Variants in ZNF771 observed in about 807,000 individuals in gnomAD.
ZNF771 encodes the protein zinc finger protein 771, also known as mesenchymal stem cell protein DSC43.
ZNF771 carries 10 observed loss-of-function variants against 27.6 expected under a neutral mutation model. The observed-to-expected ratio is 0.36, with a 90% CI of 0.22 to 0.61. ZNF771 has a LOEUF of 0.61. ZNF771 is among the 20% of genes least tolerant of loss of function. ZNF771 has a pLI of 0.70. For synonymous variants in ZNF771, 261 were observed against 225.2 expected (o/e 1.16, Z -1.43); for missense variants, 438 against 503.7 (o/e 0.87, Z 1.25).
Position 30,415,872 on chromosome 16 carries a change from G to A in ZNF771, c.142-1683G>A, listed in dbSNP as rs141461517. 1.3e-4 allele frequency among the ~76,000 whole-genome samples: 20 copies of A among 152,248 alleles called. 1 individual carries two copies. The highest frequency in any genetic ancestry group is 5.2e-4 in the Admixed American group (8 of 15,266). On this transcript the variant is annotated intron_variant, in intron 2 of 2. Transcript: ENST00000319296. ...CATCAGTTTTGCTGGGGTTTTGAGC[G>A]TTCTCTTTTCTAGGAAGGGAGCAAT...
chr16:30,407,695 G>T lies in ZNF771; in HGVS notation c.-10+31G>T, dbSNP rs570616546. 5.9e-4 allele frequency: 100 copies of T among 170,464 alleles called. 1 individual carries two copies. The South Asian group carries it at 0.014, about 23-fold the overall frequency. The allele number at this position is 170,464 out of a possible 1,614,324, so 10.6% of individuals were successfully genotyped here. ...TGCGCACCCCCTCCCCGGGGTTTCCGCCCCGATCCCGCCTCCAGCCCGTGC... is the reference window on the plus strand; with the variant it reads ...TGCGCACCCCCTCCCCGGGGTTTCCTCCCCGATCCCGCCTCCAGCCCGTGC... On this transcript the variant is annotated intron_variant, in intron 1 of 2. Coordinates refer to ENST00000319296, the MANE Select transcript of ZNF771 (RefSeq NM_001142305.2).
chr16:30,418,215 T>G lies in ZNF771; in HGVS notation c.802T>G (p.Phe268Val). 6.6e-7 allele frequency: 1 copy of G among 1,508,136 alleles called. No individual in the cohort carries two copies. Among genetic ancestry groups the G allele is most frequent in the Non-Finnish European group, 8.8e-7 (1 of 1,135,134 alleles). 93.4% of individuals were successfully genotyped at this position (1,508,136 alleles called of 1,614,324 possible). A position where few individuals can be genotyped will look rare whatever the true frequency, so the allele number is the denominator to read the frequency against. Residue 268 changes from phenylalanine (F) to valine (V), a missense_variant, in exon 3 of 3, where the codon TTC (phenylalanine) becomes GTC (valine). Phe to Val is a conservative substitution (Grantham distance 50). Transcript: ENST00000319296. Reference protein sequence around the residue: ...PYPCAECGRRFRLSSHFIRHR... With the variant: ...PYPCAECGRRVRLSSHFIRHR... ...CCCCTGCGCCGAGTGCGGCCGCCGC[T>G]TCCGCCTAAGCTCGCACTTCATTCG...
At chr16:30,412,247 G>A (rs1170301153) in intron 2 of ZNF771, among the ~76,000 whole-genome samples, 1 of 152,164 alleles carries the variant, frequency 6.6e-6, no homozygotes, top group Admixed American at 6.5e-5. Flanking sequence ...TCACCCAGGG[G>A]TCTTGTTAAA....
In ZNF771 at chr16:30,418,499, CAG is replaced by C; in HGVS notation, c.*133_*134del. The C allele has an allele frequency of 1.1e-6, 1 of 901,656 alleles. No homozygotes were observed. The highest frequency in any genetic ancestry group is 2.2e-5 in the South Asian group (1 of 45,562). The allele number at this position is 901,656 out of a possible 1,614,324, so 55.9% of individuals were successfully genotyped here. A position where few individuals can be genotyped will look rare whatever the true frequency, so the allele number is the denominator to read the frequency against. Reference sequence around the variant, plus strand: ...GCCCGGCTGCCCTGGAACTGGGAGACAGGGAGAATCCCCTGCCGGGGTCCCTG... The same window carrying C: ...GCCCGGCTGCCCTGGAACTGGGAGACGGAGAATCCCCTGCCGGGGTCCCTG... On this transcript the variant is annotated 3_prime_UTR_variant, in exon 3 of 3. Coordinates refer to ENST00000319296, the MANE Select transcript of ZNF771 (RefSeq NM_001142305.2).
rs1424068378 is a variant in ZNF771 at position 30,417,756 on chromosome 16, G to A, written c.343G>A (p.Gly115Ser). Residue 115 changes from glycine to serine, a missense_variant, in exon 3 of 3, where the codon GGC (glycine) becomes AGC (serine). Physicochemically the swap from Gly to Ser is moderately conservative, Grantham distance 56 (BLOSUM62 0). Coordinates refer to ENST00000319296, the MANE Select transcript of ZNF771 (RefSeq NM_001142305.2). ...ALTKHGRTHTGERPYECPECD... is the reference protein window; with the variant it reads ...ALTKHGRTHTSERPYECPECD... ...GACCAAACACGGCCGCACGCACACG[G>A]GCGAGCGGCCCTACGAGTGCCCCGA... 2 of 1,429,092 alleles carry A rather than the reference G, an allele frequency of 1.4e-6. No individual in the cohort carries two copies. Among genetic ancestry groups the A allele is most frequent in the African/African-American group, 1.5e-5 (1 of 66,754 alleles). The allele number at this position is 1,429,092 out of a possible 1,614,324, so 88.5% of individuals were successfully genotyped here.
chr16:30,417,353 A>G (rs2050139691), intron 2 of ZNF771, among the ~76,000 whole-genome samples: 2 of 152,258 alleles, frequency 1.3e-5, no homozygotes, highest in South Asian at 4.1e-4. Flanking sequence ...AAAAATAGCT[A>G]GAACGCCACT....
chr16:30,411,886 A>G (rs1401805530), intron 2 of ZNF771, among the ~76,000 whole-genome samples: 1 of 152,166 alleles, frequency 6.6e-6, no homozygotes, highest in East Asian at 1.9e-4. Flanking sequence ...AAGGGCCTTA[A>G]TTACGCTGCA....
At chr16:30,412,793 A>C (rs1306473973) in intron 2 of ZNF771, among the ~76,000 whole-genome samples, 1 of 151,884 alleles carries the variant, frequency 6.6e-6, no homozygotes, top group African/African-American at 2.4e-5. Flanking sequence ...CTTTTCTCAA[A>C]AAAAAAAAAG....
Position 30,418,597 on chromosome 16 carries a change from C to G in ZNF771, c.*230C>G. ...AGTGAATAAAGTATTATATCCTCACCCCACCCGTGCCTGTGAGTGAGGTGG... is the reference window on the plus strand; with the variant it reads ...AGTGAATAAAGTATTATATCCTCACGCCACCCGTGCCTGTGAGTGAGGTGG... On this transcript the variant is annotated 3_prime_UTR_variant, in exon 3 of 3. Coordinates refer to ENST00000319296, the MANE Select transcript of ZNF771 (RefSeq NM_001142305.2). 1 of 422,914 alleles carries G rather than the reference C, an allele frequency of 2.4e-6. No homozygotes were observed. The highest frequency in any genetic ancestry group is 2.0e-5 in the African/African-American group (1 of 48,902). 26.2% of individuals were successfully genotyped at this position (422,914 alleles called of 1,614,324 possible).
Position 30,417,603 on chromosome 16 carries a change from G to A in ZNF771, c.190G>A (p.Ala64Thr). 7.7e-7 allele frequency: 1 copy of A among 1,301,674 alleles called. No individual in the cohort carries two copies. 80.6% of individuals were successfully genotyped at this position (1,301,674 alleles called of 1,614,324 possible). ...GTCCGCCGACCCGGCGCGTCCCCAC[G>A]CGTGCCCCGACTGCGGCCGCGCCTT... ...APSADPARPH[A>T]CPDCGRAFAR... is the part of the protein sequence containing the mutation. The change falls in exon 3 of 3, where the codon GCG becomes ACG. Residue 64 changes from alanine to threonine, a missense_variant. Coordinates refer to ENST00000319296, the MANE Select transcript of ZNF771 (RefSeq NM_001142305.2).
rs1197732449 is a variant in ZNF771 at position 30,418,042 on chromosome 16, C to G, written c.629C>G (p.Thr210Arg). ...CCCTACGCTTGCGCCGACTGCGGCA[C>G]GCGCTTCGCTCAGAGCTCGGCGCTG... The part of the protein sequence containing the change: ...ERPYACADCG[T>R]RFAQSSALAK... Residue 210 changes from threonine to arginine, a missense_variant, in exon 3 of 3, where the codon ACG (threonine) becomes AGG (arginine). Physicochemically the swap from Thr to Arg is moderately conservative, Grantham distance 71. Around this residue, in one of 3 missense-constraint regions of ZNF771, gnomAD observed 305 missense variants for 308.0 expected, o/e 0.99. Transcript: ENST00000319296. The G allele has an allele frequency of 1.4e-6, 2 of 1,441,202 alleles. No homozygotes were observed. The highest frequency in any genetic ancestry group is 2.9e-5 in the Admixed American group (1 of 34,014). 89.3% of individuals were successfully genotyped at this position (1,441,202 alleles called of 1,614,324 possible).
chr16:30,417,906 C>G lies in ZNF771; in HGVS notation c.493C>G (p.His165Asp). 1 of 1,520,390 alleles carries G rather than the reference C, an allele frequency of 6.6e-7. No individual in the cohort carries two copies. Among genetic ancestry groups the G allele is most frequent in the South Asian group, 1.2e-5 (1 of 81,982 alleles). The allele number at this position is 1,520,390 out of a possible 1,614,324, so 94.2% of individuals were successfully genotyped here. A position where few individuals can be genotyped will look rare whatever the true frequency, so the allele number is the denominator to read the frequency against. The change falls in exon 3 of 3, where the codon CAC becomes GAC. Residue 165 changes from histidine (H) to aspartate (D), a missense_variant. This residue lies in a region of ZNF771 where 305 missense variants were observed against 308.0 expected (regional missense o/e 0.99). Transcript: ENST00000319296. ...CGCGCAGAGCTCCAACTACGCACAG[C>G]ACCTGCGCGTGCACACGGGCGAGAA... Reference protein sequence around the residue: ...RFAQSSNYAQHLRVHTGEKPY... With the variant: ...RFAQSSNYAQDLRVHTGEKPY...
In ZNF771 at chr16:30,418,261, G is replaced by T. The variant is rs1205951887; in HGVS notation, c.848G>T (p.Arg283Leu). The change falls in exon 3 of 3, where the codon CGG (arginine) becomes CTG (leucine). Residue 283 changes from arginine to leucine, a missense_variant. Transcript: ENST00000319296. ...HFIRHRRAHM[R>L]RRLYICAGCG... ...ATTCGCCACCGACGCGCGCACATGCGGCGCCGCCTGTATATTTGCGCCGGC... is the reference window on the plus strand; with the variant it reads ...ATTCGCCACCGACGCGCGCACATGCTGCGCCGCCTGTATATTTGCGCCGGC... The T allele has an allele frequency of 1.3e-6, 2 of 1,511,754 alleles. No homozygotes were observed. The highest frequency in any genetic ancestry group is 1.8e-6 in the Non-Finnish European group (2 of 1,136,924). 93.6% of individuals were successfully genotyped at this position (1,511,754 alleles called of 1,614,324 possible). A position where few individuals can be genotyped will look rare whatever the true frequency, so the allele number is the denominator to read the frequency against.
intron 2 of ZNF771, among the ~76,000 whole-genome samples, chr16:30,409,376 G>A (rs1054341230): frequency 1.3e-5 from 2 of 152,140 alleles, no homozygotes; most frequent in Non-Finnish European, 2.9e-5. Flanking sequence ...GGGGGTGGTT[G>A]GCAGGCCACA....
rs2050150868 is a variant in ZNF771, at chr16:30,418,463, G to A, written c.*96G>A. On this transcript the variant is annotated 3_prime_UTR_variant, in exon 3 of 3. Coordinates refer to ENST00000319296, the MANE Select transcript of ZNF771 (RefSeq NM_001142305.2). ...CCGGCCTCCGGGTCTGGGAAATTGA[G>A]GGGACGGCAGGCCCGGCTGCCCTGG... The A allele has an allele frequency of 1.6e-6, 2 of 1,244,420 alleles. No individual in the cohort carries two copies. Among genetic ancestry groups the A allele is most frequent in the African/African-American group, 3.2e-5 (2 of 62,864 alleles). The allele number at this position is 1,244,420 out of a possible 1,614,324, so 77.1% of individuals were successfully genotyped here.
chr16:30,418,603 C>T lies in ZNF771; in HGVS notation c.*236C>T. ...TAAAGTATTATATCCTCACCCCACC[C>T]GTGCCTGTGAGTGAGGTGGGTGGGA... On this transcript the variant is annotated 3_prime_UTR_variant, in exon 3 of 3. Coordinates refer to ENST00000319296, the MANE Select transcript of ZNF771 (RefSeq NM_001142305.2). The T allele has an allele frequency of 2.4e-6, 1 of 416,968 alleles. No homozygotes were observed. The highest frequency in any genetic ancestry group is 4.2e-6 in the Non-Finnish European group (1 of 240,400). The allele number at this position is 416,968 out of a possible 1,614,324, so 25.8% of individuals were successfully genotyped here.
chr16:30,413,077 A>T (rs1215437379), intron 2 of ZNF771, among the ~76,000 whole-genome samples: 2 of 152,252 alleles, frequency 1.3e-5, no homozygotes, highest in African/African-American at 4.8e-5. Context: ...TATTTTATTA[A>T]TTAGAGAAGT....
chr16:30,418,667 G>A lies in ZNF771; in HGVS notation c.*300G>A, dbSNP rs1306575227. On this transcript the variant is annotated 3_prime_UTR_variant, in exon 3 of 3. Transcript: ENST00000319296. ...GGGGTTCTCCAGGCTCAGGTGCCAA[G>A]TGAGTTGTCAAGGAACCAAATGGGG... is the stretch of plus-strand genomic sequence containing the variant. 1.1e-5 allele frequency: 4 copies of A among 370,094 alleles called. No homozygotes were observed. The highest frequency in any genetic ancestry group is 9.3e-5 in the Admixed American group (2 of 21,410). 22.9% of individuals were successfully genotyped at this position (370,094 alleles called of 1,614,324 possible). A position where few individuals can be genotyped will look rare whatever the true frequency, so the allele number is the denominator to read the frequency against.
In ZNF771 at chr16:30,418,639, G is replaced by C. The variant is rs914172693; in HGVS notation, c.*272G>C. ...GTGAGGTGGGTGGGAGAGGAAGAAA[G>C]TTGGGGTTCTCCAGGCTCAGGTGCC... On this transcript the variant is annotated 3_prime_UTR_variant, in exon 3 of 3. Coordinates refer to ENST00000319296, the MANE Select transcript of ZNF771 (RefSeq NM_001142305.2). 3 of 392,818 alleles carry C rather than the reference G, an allele frequency of 7.6e-6. No individual in the cohort carries two copies. The highest frequency in any genetic ancestry group is 1.3e-5 in the Non-Finnish European group (3 of 223,014). The allele number at this position is 392,818 out of a possible 1,614,324, so 24.3% of individuals were successfully genotyped here. A position where few individuals can be genotyped will look rare whatever the true frequency, so the allele number is the denominator to read the frequency against.
Sources: allele counts gnomAD v4.1 joint callset (sites outside exome capture counted in the v4.1 genomes callset), GRCh38; gene constraint gnomAD v4.1.1; regional missense constraint gnomAD v4.1.1; transcripts MANE v1.5; gene names NCBI Gene and HGNC (gene_info 2026-07-23, HGNC 2026-07-21).